The following NRG1 variants were observed in gnomAD, a reference collection of about 807,000 sequenced individuals.
NRG1 encodes neuregulin 1.
In NRG1, 18 loss-of-function variants were observed where a neutral mutation model predicts 63.8. The observed-to-expected ratio is 0.28, with a 90% CI of 0.19 to 0.42. The LOEUF (loss-of-function observed/expected upper bound fraction) is 0.42. Among genes scored for constraint, NRG1 ranks in the 10% least tolerant of loss-of-function variants. NRG1 has a pLI of 1.00. For missense variants in NRG1, 762 were observed against 814.7 expected (o/e 0.94, Z 0.79); for synonymous variants, 302 against 301.3 (o/e 1.00, Z -0.02).
chr8:31,644,251 C>T (rs1487032057), intron 1 of NRG1, among the ~76,000 whole-genome samples: 2 of 152,132 alleles, frequency 1.3e-5, no homozygotes, highest in East Asian at 1.9e-4. Flanking sequence ...TTTGTGACTG[C>T]TCTTTTTAAA....
At chr8:32,305,661 T>C (rs1856109400) in intron 1 of NRG1, among the ~76,000 whole-genome samples, 1 of 152,230 alleles carries the variant, frequency 6.6e-6, no homozygotes, top group Non-Finnish European at 1.5e-5. Context: ...TTAACAAAAA[T>C]AGATCTCACA....
intron 1 of NRG1, among the ~76,000 whole-genome samples, chr8:32,076,795 A>G (rs538959360): frequency 6.6e-6 from 1 of 152,160 alleles, no homozygotes; most frequent in Non-Finnish European, 1.5e-5. Flanking sequence ...CCAAATTATT[A>G]TGACAGAAAA....
At chr8:31,866,827 G>T (rs1223205894) in intron 1 of NRG1, among the ~76,000 whole-genome samples, 3 of 152,084 alleles carry the variant, frequency 2.0e-5, no homozygotes, top group African/African-American at 7.2e-5. Context: ...AAAGTAAAAT[G>T]ATTTTTTAAA....
intron 1 of NRG1, among the ~76,000 whole-genome samples, chr8:32,152,845 C>T (rs1330714306): frequency 6.6e-6 from 1 of 152,168 alleles, no homozygotes; most frequent in African/African-American, 2.4e-5. Context: ...AATTTGCCTG[C>T]TGTGATAAAT....
chr8:32,128,213 G>A (rs917219209), intron 1 of NRG1, among the ~76,000 whole-genome samples: 4 of 151,902 alleles, frequency 2.6e-5, no homozygotes, highest in Admixed American at 6.6e-5. Flanking sequence ...GTGTGCTTGC[G>A]GAGAAAAAGA....
At chr8:32,098,172 G>T (rs1369089945) in intron 1 of NRG1, among the ~76,000 whole-genome samples, 1 of 152,036 alleles carries the variant, frequency 6.6e-6, no homozygotes, top group Non-Finnish European at 1.5e-5. Context: ...TCAGGCTAGA[G>T]AAAGTGTTTA....
At chr8:31,804,277 T>C (rs1465609223) in intron 1 of NRG1, among the ~76,000 whole-genome samples, 1 of 152,208 alleles carries the variant, frequency 6.6e-6, no homozygotes, top group Non-Finnish European at 1.5e-5. Flanking sequence ...ATGCCAAATA[T>C]GCTTTCAAGC....
chr8:31,674,487 G>C (rs1301195340), intron 1 of NRG1, among the ~76,000 whole-genome samples: 1 of 151,422 alleles, frequency 6.6e-6, no homozygotes, highest in African/African-American at 2.4e-5. Context: ...CTTTCTGAAT[G>C]GTGTCCTGTG....
intron 5 of NRG1, among the ~76,000 whole-genome samples, chr8:32,690,355 G>A (rs1811268445): frequency 6.6e-6 from 1 of 151,696 alleles, no homozygotes; most frequent in Non-Finnish European, 1.5e-5. Flanking sequence ...GGCAGCTTCA[G>A]CGACTCCTCC....
intron 1 of NRG1, among the ~76,000 whole-genome samples, chr8:32,173,896 C>T (rs1840377593): frequency 6.6e-6 from 1 of 152,120 alleles, no homozygotes. Context: ...TAATGGGAGA[C>T]TTTAACACTC....
At chr8:32,226,764 A>T (rs920707183) in intron 1 of NRG1, among the ~76,000 whole-genome samples, 2 of 152,112 alleles carry the variant, frequency 1.3e-5, no homozygotes, top group Admixed American at 1.3e-4. Flanking sequence ...TTTGCATGCA[A>T]TTTTTTGTCA....
intron 1 of NRG1, among the ~76,000 whole-genome samples, chr8:32,139,942 T>C (rs1836027630): frequency 6.6e-6 from 1 of 152,168 alleles, no homozygotes; most frequent in African/African-American, 2.4e-5. Context: ...TATTTATCTG[T>C]AGCTGGAATG....
Position 32,419,096 on chromosome 8 carries a change from A to T in NRG1, c.38-176732A>T, listed in dbSNP as rs539390812. 3.9e-5 allele frequency among the ~76,000 whole-genome samples: 6 copies of T among 152,330 alleles called. No individual in the cohort carries two copies. The South Asian group carries it at 1.2e-3, about 32-fold the overall frequency. On this transcript the variant is annotated intron_variant, in intron 1 of 10. Coordinates refer to the NRG1 transcript ENST00000519301. ...TGTGTTTTTGAGAACATGCTTCAGC[A>T]CTTGAGAGATGGATTTCCTAGAGTT...
chr8:32,254,128 T>C (rs1355001588), intron 1 of NRG1, among the ~76,000 whole-genome samples: 1 of 152,198 alleles, frequency 6.6e-6, no homozygotes, highest in Non-Finnish European at 1.5e-5. Context: ...TTTTAATCTT[T>C]TCAAAAAACC....
chr8:31,914,981 C>T (rs1178371327), intron 1 of NRG1, among the ~76,000 whole-genome samples: 2 of 151,982 alleles, frequency 1.3e-5, no homozygotes, highest in African/African-American at 2.4e-5. Context: ...CCACAATTAT[C>T]AGTTATGTAT....
chr8:32,456,958 C>T (rs536774025), intron 1 of NRG1, among the ~76,000 whole-genome samples: 2 of 152,092 alleles, frequency 1.3e-5, no homozygotes, highest in East Asian at 1.9e-4. Context: ...ATGGTGAAAC[C>T]CCAACTCTAC....
chr8:32,413,264 A>T (rs1815369461), intron 1 of NRG1, among the ~76,000 whole-genome samples: 1 of 152,252 alleles, frequency 6.6e-6, no homozygotes, highest in Admixed American at 6.5e-5. Flanking sequence ...GTAGTTACTC[A>T]GTGAAATACT....
chr8:31,865,578 G>C (rs1033302182), intron 1 of NRG1, among the ~76,000 whole-genome samples: 1 of 152,102 alleles, frequency 6.6e-6, no homozygotes, highest in Non-Finnish European at 1.5e-5. Flanking sequence ...GTGATAGTGA[G>C]TGAGTTATCA....
At chr8:32,515,174 T>C (rs1829683406) in intron 1 of NRG1, among the ~76,000 whole-genome samples, 1 of 152,138 alleles carries the variant, frequency 6.6e-6, no homozygotes, top group African/African-American at 2.4e-5. Flanking sequence ...AGTTTTAAGT[T>C]CTTTGAGAAA....
Sources: allele counts gnomAD v4.1 joint callset (sites outside exome capture counted in the v4.1 genomes callset), GRCh38; gene constraint gnomAD v4.1.1; transcripts MANE v1.5; gene names NCBI Gene and HGNC (gene_info 2026-07-23, HGNC 2026-07-21).